The following GMDS variants were observed in gnomAD, a reference collection of about 807,000 sequenced individuals.
The protein encoded by GMDS is GDP-mannose 4,6-dehydratase, also known as GDP-mannose 4,6 dehydratase.
A neutral mutation model predicts 49.9 loss-of-function variants in GMDS; 20 were observed. The ratio of observed to expected loss-of-function variants is 0.40; its 90% CI spans 0.28 to 0.58. GMDS has a LOEUF of 0.58. Among genes scored for constraint, GMDS ranks in the 20% least tolerant of loss-of-function variants. GMDS has a pLI of 0.42. For synonymous variants in GMDS, 177 were observed against 178.6 expected (o/e 0.99, Z 0.07); for missense variants, 362 against 481.4 (o/e 0.75, Z 2.32).
chr6:2,122,075 G>C (rs1307665371), intron 2 of GMDS, among the ~76,000 whole-genome samples: 1 of 152,126 alleles, frequency 6.6e-6, no homozygotes, highest in Non-Finnish European at 1.5e-5. Flanking sequence ...CCTGACCTTA[G>C]TAGTATACCT....
chr6:1,759,390 G>A (rs550658660), intron 7 of GMDS, among the ~76,000 whole-genome samples: 1 of 152,334 alleles, frequency 6.6e-6, no homozygotes, highest in East Asian at 1.9e-4. Context: ...AAGTGTTAGA[G>A]CTGGGGCTGG....
At position 1,819,489 on chromosome 6, in the gene GMDS, G is replaced by T. The variant is rs138717659; in HGVS notation, c.772-76903C>A. Among the ~76,000 whole-genome samples the T allele has an allele frequency of 6.6e-3, 1,006 of 152,022 alleles. 8 individuals carry two copies. Among genetic ancestry groups the T allele is most frequent in the African/African-American group, 0.016 (645 of 41,474 alleles). On this transcript the variant is annotated intron_variant, in intron 7 of 10. Coordinates refer to ENST00000380815, the MANE Select transcript of GMDS (RefSeq NM_001500.4). ...AAAAATCTACCTTGGGCCTGGGTGC[G>T]GTGGCTCCTGCCTGTAATCCCAGCA...
chr6:1,638,866 G>A (rs1016682169), intron 9 of GMDS, among the ~76,000 whole-genome samples: 1 of 152,196 alleles, frequency 6.6e-6, no homozygotes, highest in African/African-American at 2.4e-5. Context: ...TGCATGAGTA[G>A]AGTGAGTCTG....
chr6:1,758,835 C>G (rs1768053565), intron 7 of GMDS, among the ~76,000 whole-genome samples: 1 of 152,210 alleles, frequency 6.6e-6, no homozygotes, highest in South Asian at 2.1e-4. Context: ...CTTTGGGAAG[C>G]CAAGGCAGGT....
chr6:1,958,418 A>G (rs1032021951), intron 6 of GMDS, among the ~76,000 whole-genome samples: 3 of 152,124 alleles, frequency 2.0e-5, no homozygotes, highest in South Asian at 2.1e-4. Flanking sequence ...GGGCGCCCTC[A>G]TACCACATGC....
chr6:1,792,345 C>G (rs552314265), intron 7 of GMDS, among the ~76,000 whole-genome samples: 4 of 152,168 alleles, frequency 2.6e-5, no homozygotes, highest in African/African-American at 9.6e-5. Flanking sequence ...TACCTTCAAA[C>G]CTGTCAGAGA....
In GMDS at chr6:1,657,690, C is replaced by T. The variant is rs564944165; in HGVS notation, c.988-33150G>A. Among the ~76,000 whole-genome samples, 5 of 152,076 alleles carry T rather than the reference C, an allele frequency of 3.3e-5. No individual in the cohort carries two copies. In the East Asian group the frequency reaches 5.8e-4, roughly 18 times the overall value. ...CCTGTGGGAGCAGCAACCATGTGGG[C>T]GCCTCAAAACGTTTCCATCAGAAAT... On this transcript the variant is annotated intron_variant, in intron 9 of 10. Transcript: ENST00000380815.
chr6:1,867,337 G>A (rs745793108), intron 7 of GMDS, among the ~76,000 whole-genome samples: 4 of 152,072 alleles, frequency 2.6e-5, no homozygotes, highest in Admixed American at 6.5e-5. Context: ...AAATATTAAC[G>A]AAAACATATT....
chr6:1,997,292 G>A (rs560720969), intron 4 of GMDS, among the ~76,000 whole-genome samples: 57 of 152,022 alleles, frequency 3.7e-4, no homozygotes, highest in African/African-American at 1.3e-3. Context: ...GGCAAATCAC[G>A]AGGTCAGGAG....
At chr6:1,634,825 G>A (rs1242041113) in intron 9 of GMDS, among the ~76,000 whole-genome samples, 5 of 152,202 alleles carry the variant, frequency 3.3e-5, no homozygotes, top group African/African-American at 1.2e-4. Flanking sequence ...GAGGGGTGGG[G>A]AGGGGACATA....
Position 1,890,377 on chromosome 6 carries a change from C to A in GMDS, c.771+39726G>T, listed in dbSNP as rs74294073. Among the ~76,000 whole-genome samples, 54 of 152,234 alleles carry A rather than the reference C, an allele frequency of 3.5e-4. No individual in the cohort carries two copies. In the East Asian group the frequency reaches 0.01, roughly 29 times the overall value. ...TCCTTTCATGTCGGCTGAATATTTT[C>A]TGTGGGGAAATGTCTATTTAAGTCT... On this transcript the variant is annotated intron_variant, in intron 7 of 10. Coordinates refer to ENST00000380815, the MANE Select transcript of GMDS (RefSeq NM_001500.4).
At chr6:2,079,797 T>A (rs1304027491) in intron 4 of GMDS, among the ~76,000 whole-genome samples, 1 of 152,140 alleles carries the variant, frequency 6.6e-6, no homozygotes, top group Non-Finnish European at 1.5e-5. Context: ...TTGCATTGTA[T>A]ATGTTTGCGG....
At chr6:1,876,946 A>T (rs902054203) in intron 7 of GMDS, among the ~76,000 whole-genome samples, 3 of 152,228 alleles carry the variant, frequency 2.0e-5, no homozygotes, top group African/African-American at 7.2e-5. Flanking sequence ...CTGAAACACC[A>T]GTGTGATCTG....
At position 1,781,105 on chromosome 6, in the gene GMDS, G is replaced by A. The variant is rs10080724; in HGVS notation, c.772-38519C>T. ...ACACGATTGCAAGACGAAGGACACC[G>A]AGAAGGCACATGACAGCTTGCTGTT... On this transcript the variant is annotated intron_variant, in intron 7 of 10. Transcript: ENST00000380815. Among the ~76,000 whole-genome samples the A allele has an allele frequency of 4.2e-3, 645 of 152,200 alleles. 3 individuals are homozygous for A. The highest frequency in any genetic ancestry group is 0.015 in the African/African-American group (610 of 41,528).
chr6:1,631,858 T>G (rs1209064598), intron 9 of GMDS, among the ~76,000 whole-genome samples: 1 of 152,186 alleles, frequency 6.6e-6, no homozygotes, highest in Non-Finnish European at 1.5e-5. Context: ...ACTTTTATAT[T>G]GGAGAAAAGA....
intron 7 of GMDS, among the ~76,000 whole-genome samples, chr6:1,781,681 G>A (rs927685835): frequency 3.9e-5 from 6 of 152,134 alleles, no homozygotes; most frequent in Non-Finnish European, 5.9e-5. Context: ...ATAACATCCC[G>A]CTGTGAATAT....
At chr6:1,924,936 C>A (rs1282724598) in intron 7 of GMDS, among the ~76,000 whole-genome samples, 3 of 144,810 alleles carry the variant, frequency 2.1e-5, no homozygotes, top group East Asian at 2.1e-4. Context: ...CCAGCCCGGG[C>A]GACGGCGAGA....
intron 2 of GMDS, among the ~76,000 whole-genome samples, chr6:2,122,224 G>A (rs547349901): frequency 6.6e-6 from 1 of 152,110 alleles, no homozygotes; most frequent in Non-Finnish European, 1.5e-5. Context: ...CTTTAGTTGT[G>A]GTGGTTTCTC....
chr6:2,117,337 A>T, intron 3 of GMDS, 132 bp downstream of exon 3: 1 of 657,136 alleles, frequency 1.5e-6, no homozygotes, highest in Non-Finnish European at 2.8e-6. Context: ...TATTCAGTGC[A>T]GTAATTCATG....
Sources: gnomAD v4.1 joint callset for allele counts (sites outside exome capture counted in the v4.1 genomes callset) on GRCh38, gnomAD v4.1.1 for gene constraint, MANE v1.5 for transcripts, NCBI Gene and HGNC (gene_info 2026-07-23, HGNC 2026-07-21) for gene names.